Variants in DMXL2 observed in about 807,000 individuals in gnomAD.
DMXL2 encodes the protein Dmx like 2.
A neutral mutation model predicts 331.1 loss-of-function variants in DMXL2; 103 were observed. The observed-to-expected ratio is 0.31, with a 90% CI of 0.27 to 0.37. The LOEUF (loss-of-function observed/expected upper bound fraction) is 0.37, where lower values mean the gene tolerates loss of function less well. Ranked by LOEUF, DMXL2 falls within the 10% of genes least tolerant of loss-of-function variation. The pLI, the probability that DMXL2 is intolerant of heterozygous loss-of-function variation, is 1.00. For missense variants in DMXL2, 3,171 were observed against 3,642.9 expected (o/e 0.87, Z 3.33); for synonymous variants, 1,281 against 1,252.1 (o/e 1.02, Z -0.49).
At position 51,458,601 on chromosome 15, in the gene DMXL2, A is replaced by C. The variant is rs768303831; in HGVS notation, c.8103T>G (p.Ala2701=). 1.2e-6 allele frequency: 2 copies of C among 1,614,002 alleles called. No individual in the cohort carries two copies. The highest frequency in any genetic ancestry group is 1.7e-6 in the Non-Finnish European group (2 of 1,179,892). The change falls in exon 36 of 44, where the codon GCT becomes GCG. Residue 2701 remains alanine (A), a synonymous_variant. Transcript: ENST00000560891. ...CAAGTTCTTGAACATCATGTGTTGA[A>C]GCCAAAACAATTTCATTACAATTTG... ...NKANCNEIVL[A]STHDVQELDV... is the part of the protein sequence containing the mutation.
intron 1 of DMXL2, among the ~76,000 whole-genome samples, chr15:51,619,143 A>G (rs995237095): frequency 6.6e-6 from 1 of 152,246 alleles, no homozygotes; most frequent in African/African-American, 2.4e-5. Context: ...GAAATTTACA[A>G]TATCTGTTGC....
At chr15:51,549,402 C>A (rs1402825058) in intron 6 of DMXL2, among the ~76,000 whole-genome samples, 1 of 152,038 alleles carries the variant, frequency 6.6e-6, no homozygotes, top group Non-Finnish European at 1.5e-5. Context: ...TTTGCAACTG[C>A]AAATTGTGCT....
intron 13 of DMXL2, among the ~76,000 whole-genome samples, chr15:51,517,451 A>G (rs1027425192): frequency 6.6e-6 from 1 of 152,218 alleles, no homozygotes; most frequent in Non-Finnish European, 1.5e-5. Context: ...ATGGCTGAAG[A>G]TCTGGCCCAA....
intron 2 of DMXL2, among the ~76,000 whole-genome samples, chr15:51,570,738 G>T (rs192483001): frequency 1.1e-3 from 175 of 152,220 alleles, no homozygotes; most frequent in African/African-American, 4.0e-3. Flanking sequence ...ACAAGCAAAT[G>T]CTGAGAGATT....
intron 3 of DMXL2, 84 bp downstream of exon 3, chr15:51,568,403 C>A (rs1328913000): frequency 1.7e-5 from 15 of 878,846 alleles, no homozygotes; most frequent in Non-Finnish European, 2.6e-5. Context: ...TCAGCACTAG[C>A]TCCTAAGGAG....
chr15:51,530,729 TG>T (rs1159962134), intron 13 of DMXL2, among the ~76,000 whole-genome samples: 1 of 152,164 alleles, frequency 6.6e-6, no homozygotes, highest in Non-Finnish European at 1.5e-5. Flanking sequence ...CACTCCAGCC[TG>T]GGTGACAGAG....
chr15:51,476,441 A>C, intron 27 of DMXL2, 148 bp downstream of exon 27: 1 of 892,830 alleles, frequency 1.1e-6, no homozygotes, highest in Non-Finnish European at 1.7e-6. Flanking sequence ...AATAGTTCCT[A>C]ATCCATAGCA....
intron 1 of DMXL2, among the ~76,000 whole-genome samples, chr15:51,619,322 A>G (rs1291300509): frequency 2.0e-5 from 3 of 152,242 alleles, no homozygotes; most frequent in Non-Finnish European, 4.4e-5. Context: ...AAAGAACAAA[A>G]TTGTTCAAAA....
intron 1 of DMXL2, among the ~76,000 whole-genome samples, chr15:51,599,778 C>A (rs1234630911): frequency 1.3e-5 from 2 of 152,028 alleles, no homozygotes; most frequent in Admixed American, 6.5e-5. Context: ...TGGCTCACTG[C>A]AACCTTCACC....
intron 1 of DMXL2, among the ~76,000 whole-genome samples, chr15:51,601,627 A>G (rs1335697893): frequency 6.6e-6 from 1 of 152,224 alleles, no homozygotes; most frequent in Non-Finnish European, 1.5e-5. Context: ...ATTTGTCCTC[A>G]GACTGCCATC....
chr15:51,547,466 A>C, intron 6 of DMXL2, 58 bp from the exon 7 acceptor site: 1 of 1,283,026 alleles, frequency 7.8e-7, no homozygotes, highest in East Asian at 2.6e-5. Flanking sequence ...TCAAAATTTA[A>C]GTGGTTTGAA....
rs779371818 is a variant in DMXL2 at position 51,474,607 on chromosome 15, A to C, written c.6965-15T>G. 6.3e-7 allele frequency: 1 copy of C among 1,585,138 alleles called. No individual in the cohort carries two copies. Among genetic ancestry groups the C allele is most frequent in the Non-Finnish European group, 8.6e-7 (1 of 1,163,256 alleles). ...TGAGCTCACACCTATAAGGGTATATAAAATCATAAGACGTATGTCAGGATG... is the reference window on the plus strand; with the variant it reads ...TGAGCTCACACCTATAAGGGTATATCAAATCATAAGACGTATGTCAGGATG... On this transcript the variant is annotated splice_polypyrimidine_tract_variant and intron_variant, in intron 27 of 43. Coordinates refer to ENST00000560891, the MANE Select transcript of DMXL2 (RefSeq NM_001378457.1).
chr15:51,555,184 A>G (rs2049481636), intron 6 of DMXL2, among the ~76,000 whole-genome samples: 1 of 152,154 alleles, frequency 6.6e-6, no homozygotes, highest in Admixed American at 6.5e-5. Context: ...AAATCACTCC[A>G]CCTGCTGGTT....
intron 1 of DMXL2, among the ~76,000 whole-genome samples, chr15:51,586,267 T>G (rs939294416): frequency 5.9e-5 from 9 of 152,062 alleles, no homozygotes; most frequent in African/African-American, 2.2e-4. Context: ...TAGAAACAAC[T>G]CATATCAGAA....
chr15:51,481,760 A>G, intron 23 of DMXL2, 137 bp from the exon 24 acceptor site: 1 of 775,992 alleles, frequency 1.3e-6, no homozygotes, highest in Admixed American at 3.2e-5. Flanking sequence ...ACTATGGCAT[A>G]TACAATCATT....
chr15:51,604,874 T>C (rs1263504548), intron 1 of DMXL2, among the ~76,000 whole-genome samples: 2 of 152,220 alleles, frequency 1.3e-5, no homozygotes, highest in Non-Finnish European at 2.9e-5. Context: ...GACAGTGGTA[T>C]TGTGGCAAAA....
intron 18 of DMXL2, among the ~76,000 whole-genome samples, chr15:51,497,076 T>G (rs1051174480): frequency 2.6e-5 from 4 of 152,208 alleles, no homozygotes; most frequent in African/African-American, 9.6e-5. Flanking sequence ...CAGTAAAAAC[T>G]AATATATATT....
intron 1 of DMXL2, among the ~76,000 whole-genome samples, chr15:51,596,403 T>C (rs1419091423): frequency 6.6e-6 from 1 of 152,102 alleles, no homozygotes; most frequent in Admixed American, 6.5e-5. Flanking sequence ...ATGGCGATCA[T>C]TAAAAAGTCA....
At chr15:51,530,925 G>A (rs2047966729) in intron 13 of DMXL2, among the ~76,000 whole-genome samples, 1 of 152,164 alleles carries the variant, frequency 6.6e-6, no homozygotes, top group Admixed American at 6.6e-5. Flanking sequence ...TCATGGATTG[G>A]AAGAACTGAT....
Sources: gnomAD v4.1 joint callset for allele counts (sites outside exome capture counted in the v4.1 genomes callset) on GRCh38, gnomAD v4.1.1 for gene constraint, MANE v1.5 for transcripts, NCBI Gene and HGNC (gene_info 2026-07-23, HGNC 2026-07-21) for gene names.